Variants in CAMTA1 observed in about 807,000 individuals in gnomAD.
CAMTA1 encodes calmodulin-binding transcription activator 1.
A neutral mutation model predicts 170.9 loss-of-function variants in CAMTA1; 27 were observed. That is an observed-to-expected ratio of 0.16 (90% confidence interval 0.12 to 0.22). CAMTA1 has a LOEUF of 0.22. CAMTA1 is among the 10% of genes least tolerant of loss of function. CAMTA1 has a pLI of 1.00. For synonymous variants in CAMTA1, 833 were observed against 891.5 expected (o/e 0.93, Z 1.17); for missense variants, 1,619 against 2,217.2 (o/e 0.73, Z 5.42).
chr1:7,388,733 T>C (rs910175831), intron 5 of CAMTA1, among the ~76,000 whole-genome samples: 1 of 152,228 alleles, frequency 6.6e-6, no homozygotes, highest in Non-Finnish European at 1.5e-5. Flanking sequence ...ATGCGCCTCC[T>C]GGGAGCGTTC....
At chr1:7,263,792 G>A (rs954804264) in intron 5 of CAMTA1, among the ~76,000 whole-genome samples, 8 of 152,182 alleles carry the variant, frequency 5.3e-5, no homozygotes, top group Non-Finnish European at 1.2e-4. Context: ...ATCAGAAGAG[G>A]CTAGCAAGCA....
chr1:6,958,626 G>GC (rs1689872879), intron 3 of CAMTA1, among the ~76,000 whole-genome samples: 1 of 152,190 alleles, frequency 6.6e-6, no homozygotes, highest in Admixed American at 6.5e-5. Flanking sequence ...ATTTGAATGT[G>GC]ACGCAATAAG....
At chr1:7,658,087 C>T (rs1025466572) in intron 7 of CAMTA1, among the ~76,000 whole-genome samples, 1 of 152,204 alleles carries the variant, frequency 6.6e-6, no homozygotes, top group Admixed American at 6.5e-5. Flanking sequence ...CCAAGACCCT[C>T]AAGTGGGGTG....
At chr1:7,515,797 C>T (rs529722008) in intron 6 of CAMTA1, among the ~76,000 whole-genome samples, 3 of 152,324 alleles carry the variant, frequency 2.0e-5, no homozygotes, top group African/African-American at 4.8e-5. Flanking sequence ...TAAGACTCCA[C>T]GACTCTTTTC....
chr1:6,849,242 C>T (rs1282101410), intron 3 of CAMTA1, among the ~76,000 whole-genome samples: 1 of 152,156 alleles, frequency 6.6e-6, no homozygotes, highest in Non-Finnish European at 1.5e-5. Context: ...TCAGGACATA[C>T]TGTATTTTCA....
chr1:7,328,643 TTC>T (rs2082840145), intron 5 of CAMTA1, among the ~76,000 whole-genome samples: 1 of 152,240 alleles, frequency 6.6e-6, no homozygotes, highest in South Asian at 2.1e-4. Flanking sequence ...TTTCAACATT[TTC>T]TCTCTGTATT....
intron 3 of CAMTA1, among the ~76,000 whole-genome samples, chr1:7,079,231 A>T (rs1415301896): frequency 2.0e-5 from 3 of 152,206 alleles, no homozygotes; most frequent in African/African-American, 4.8e-5. Context: ...CTTTACAGAG[A>T]TTAAAAATAA....
At chr1:7,614,834 T>C (rs1240915926) in intron 6 of CAMTA1, among the ~76,000 whole-genome samples, 4 of 152,262 alleles carry the variant, frequency 2.6e-5, no homozygotes, top group East Asian at 1.9e-4. Context: ...CCTTGACCCC[T>C]GAAAGCCCTG....
intron 1 of CAMTA1, among the ~76,000 whole-genome samples, chr1:6,819,867 A>C (rs1477284119): frequency 6.6e-6 from 1 of 152,238 alleles, no homozygotes; most frequent in Non-Finnish European, 1.5e-5. Flanking sequence ...CCAGTCCTAA[A>C]GTCCTGTTGC....
intron 6 of CAMTA1, among the ~76,000 whole-genome samples, chr1:7,590,109 GC>G (rs1198914979): frequency 6.6e-6 from 1 of 152,170 alleles, no homozygotes; most frequent in Non-Finnish European, 1.5e-5. Flanking sequence ...CTTCAACATT[GC>G]CTATTTGCCC....
intron 5 of CAMTA1, among the ~76,000 whole-genome samples, chr1:7,310,650 T>TTC (rs1676412614): frequency 1.6e-5 from 1 of 61,840 alleles, no homozygotes; most frequent in Non-Finnish European, 2.9e-5. Flanking sequence ...CTTTCTTTTT[T>TTC]CTTTCTTTCT....
At chr1:7,054,884 G>A (rs1707052159) in intron 3 of CAMTA1, among the ~76,000 whole-genome samples, 1 of 152,212 alleles carries the variant, frequency 6.6e-6, no homozygotes. Flanking sequence ...AGGAAGCATA[G>A]TGCCGGCATC....
At chr1:6,983,210 T>C (rs11120807) in intron 3 of CAMTA1, among the ~76,000 whole-genome samples, 21,224 of 152,158 alleles carry the variant, frequency 0.14, 1,603 homozygotes, top group Non-Finnish European at 0.18. Context: ...GAACCTTACA[T>C]TCCTGGAAAC....
At chr1:7,374,732 C>T (rs905970770) in intron 5 of CAMTA1, among the ~76,000 whole-genome samples, 2 of 152,286 alleles carry the variant, frequency 1.3e-5, no homozygotes, top group African/African-American at 2.4e-5. Flanking sequence ...GAGTTGTGTG[C>T]GTGGAAGTGA....
intron 4 of CAMTA1, among the ~76,000 whole-genome samples, chr1:7,161,607 C>T (rs1295263211): frequency 6.6e-6 from 1 of 152,192 alleles, no homozygotes; most frequent in African/African-American, 2.4e-5. Context: ...TGCTACCATC[C>T]ATGTAAGACA....
At chr1:7,672,199 A>G in intron 10 of CAMTA1, 1 of 390,160 alleles carries the variant, frequency 2.6e-6, no homozygotes, top group Admixed American at 2.9e-5. Flanking sequence ...AGTGTAGAAG[A>G]CTGGGGGTGA....
At chr1:7,336,694 C>CTT (rs2083401134) in intron 5 of CAMTA1, among the ~76,000 whole-genome samples, 1 of 152,192 alleles carries the variant, frequency 6.6e-6, no homozygotes, top group Non-Finnish European at 1.5e-5. Context: ...AAGGCCAGGG[C>CTT]GAGGAACCTG....
At chr1:7,722,683 T>C (rs1281501098) in intron 11 of CAMTA1, among the ~76,000 whole-genome samples, 2 of 152,236 alleles carry the variant, frequency 1.3e-5, no homozygotes, top group African/African-American at 4.8e-5. Context: ...AAGGTCTCTT[T>C]TTTTTTTAGT....
chr1:7,663,414 G>T lies in CAMTA1; in HGVS notation c.867G>T (p.Lys289Asn). Residue 289 changes from lysine to asparagine, a missense_variant, in exon 9 of 23, where the codon AAG becomes AAT. Physicochemically the swap from Lys to Asn is moderately conservative, Grantham distance 94. Transcript: ENST00000303635. Reference protein sequence around the residue: ...NSAKHRIISPKVEPRTGGYGS... With the variant: ...NSAKHRIISPNVEPRTGGYGS... ...CCAAACACCGCATCATCTCGCCCAA[G>T]GTGGAGCCACGGACAGGGGGGTACG... is the stretch of plus-strand genomic sequence containing the variant. 6.4e-7 allele frequency: 1 copy of T among 1,556,638 alleles called. No homozygotes were observed. Among genetic ancestry groups the T allele is most frequent in the Non-Finnish European group, 8.7e-7 (1 of 1,147,244 alleles).
Sources: allele counts gnomAD v4.1 joint callset (sites outside exome capture counted in the v4.1 genomes callset), GRCh38; gene constraint gnomAD v4.1.1; transcripts MANE v1.5; gene names NCBI Gene and HGNC (gene_info 2026-07-23, HGNC 2026-07-21).